Variants in ARMC2 observed in about 807,000 individuals in gnomAD.
ARMC2 encodes the protein armadillo repeat containing 2, also known as armadillo repeat-containing protein 2.
Under a neutral mutation model 90.3 loss-of-function variants are expected in ARMC2, and 67 were observed. The ratio of observed to expected loss-of-function variants is 0.74; its 90% CI spans 0.61 to 0.91. ARMC2 has a LOEUF of 0.91. Among genes scored for constraint, ARMC2 ranks in the 40% least tolerant of loss-of-function variants. The probability of loss-of-function intolerance (pLI) is 0.00; values close to 1 mark genes in which losing one functional copy is unlikely to be tolerated. For missense variants in ARMC2, 920 were observed against 1,030.9 expected, an observed-to-expected ratio of 0.89 and a Z score of 1.47; for synonymous variants, 393 against 393.0, an observed-to-expected ratio of 1.00 and a Z score of 0.00.
chr6:108,988,087 C>G, the ARMC2 span, among the ~76,000 whole-genome samples: 1 of 152,144 alleles, frequency 6.6e-6, no homozygotes, highest in Admixed American at 6.5e-5. Context: ...AGCCACCATA[C>G]CTGGCCTAAT....
intron 1 of ARMC2, among the ~76,000 whole-genome samples, chr6:108,853,210 T>C (rs2128413526): frequency 6.6e-6 from 1 of 152,312 alleles, no homozygotes; most frequent in South Asian, 2.1e-4. Flanking sequence ...TCAGAAACTC[T>C]TGGGGTGGGG....
chr6:109,006,720 T>C, the ARMC2 span, among the ~76,000 whole-genome samples: 19 of 152,184 alleles, frequency 1.2e-4, no homozygotes, highest in African/African-American at 4.6e-4. Context: ...TTCCATTTTC[T>C]GGAAAACTCA....
the ARMC2 span, among the ~76,000 whole-genome samples, chr6:108,995,902 C>T: frequency 6.6e-6 from 1 of 152,210 alleles, no homozygotes; most frequent in Non-Finnish European, 1.5e-5. Flanking sequence ...TTCCATTCTT[C>T]CTGGCTTCCA....
chr6:108,871,373 T>A (rs1333243594), intron 4 of ARMC2, among the ~76,000 whole-genome samples: 1 of 152,010 alleles, frequency 6.6e-6, no homozygotes, highest in African/African-American at 2.4e-5. Context: ...CTGAGGAGCT[T>A]TTCAAACGCT....
chr6:108,879,765 A>G (rs921945497), intron 5 of ARMC2, among the ~76,000 whole-genome samples: 2 of 152,180 alleles, frequency 1.3e-5, no homozygotes, highest in Non-Finnish European at 2.9e-5. Context: ...ATGGAGAATC[A>G]GGGACTGTTC....
chr6:108,860,836 A>G (rs1775161658), intron 3 of ARMC2, among the ~76,000 whole-genome samples: 1 of 152,232 alleles, frequency 6.6e-6, no homozygotes, highest in African/African-American at 2.4e-5. Flanking sequence ...CTCTGTAAAG[A>G]AGTATCTTCC....
At chr6:109,012,294 G>A in the ARMC2 span, among the ~76,000 whole-genome samples, 1 of 151,332 alleles carries the variant, frequency 6.6e-6, no homozygotes, top group African/African-American at 2.4e-5. Flanking sequence ...CCAGGCTGGA[G>A]TGCAGTGGTA....
chr6:108,934,376 T>C (rs1331020950), intron 11 of ARMC2, among the ~76,000 whole-genome samples: 1 of 152,252 alleles, frequency 6.6e-6, no homozygotes, highest in East Asian at 1.9e-4. Flanking sequence ...AGTTAAGCCA[T>C]TATATATTGC....
chr6:108,961,724 G>T (rs375568142), intron 14 of ARMC2, 30 bp downstream of exon 14: 2 of 1,559,568 alleles, frequency 1.3e-6, no homozygotes, highest in African/African-American at 1.4e-5. Flanking sequence ...TTGGATAAAT[G>T]AGTGCTCATT....
the ARMC2 span, among the ~76,000 whole-genome samples, chr6:109,014,257 G>C: frequency 9.9e-5 from 15 of 151,942 alleles, no homozygotes; most frequent in African/African-American, 3.6e-4. Context: ...GTTAAATAAC[G>C]GTCAGGTTTT....
Position 108,928,202 on chromosome 6 carries a change from G to A in ARMC2, c.1465G>A (p.Asp489Asn), listed in dbSNP as rs774462545. The change falls in exon 11 of 18, where the codon GAC becomes AAC. Residue 489 changes from aspartate to asparagine, a missense_variant. Transcript: ENST00000392644. ...TAMEQYKGDK[D>N]VCTNIARIFS... The stretch of plus-strand genomic sequence containing the variant: ...AATGGAACAGTACAAGGGTGACAAG[G>A]ACGTCTGTACCAATATTGCCAGAAT... 4 of 1,586,694 alleles carry A rather than the reference G, an allele frequency of 2.5e-6. No homozygotes were observed. The highest frequency in any genetic ancestry group is 3.4e-6 in the Non-Finnish European group (4 of 1,167,308).
At chr6:108,899,469 C>T (rs1215414126) in intron 6 of ARMC2, among the ~76,000 whole-genome samples, 1 of 152,178 alleles carries the variant, frequency 6.6e-6, no homozygotes, top group African/African-American at 2.4e-5. Context: ...GACCAGATCA[C>T]ATTTTAAAGT....
the ARMC2 span, among the ~76,000 whole-genome samples, chr6:108,983,632 T>G: frequency 6.6e-6 from 1 of 152,244 alleles, no homozygotes; most frequent in African/African-American, 2.4e-5. Context: ...TCCACATTAT[T>G]TTGATTACTG....
At chr6:108,979,389 G>T (rs921126608), downstream of ARMC2, among the ~76,000 whole-genome samples, 17 of 152,128 alleles carry the variant, frequency 1.1e-4, no homozygotes, top group African/African-American at 4.1e-4. Context: ...TTCCCTTTGT[G>T]GGTAATCCGA....
chr6:108,915,484 G>A (rs886899634), intron 10 of ARMC2, among the ~76,000 whole-genome samples: 5 of 152,028 alleles, frequency 3.3e-5, no homozygotes, highest in African/African-American at 1.2e-4. Flanking sequence ...ACAGAACTTC[G>A]CTTGCTTTAA....
the ARMC2 span, among the ~76,000 whole-genome samples, chr6:109,044,311 CAAAAAAAAAAAAA>C: frequency 0.015 from 419 of 28,330 alleles, 1 homozygote; most frequent in African/African-American, 0.046. Flanking sequence ...GAACTTGCCT[CAAAAAAAAAAAAA>C]AAAAAAAAAA....
At chr6:108,851,459 C>G (rs1369688226) in intron 1 of ARMC2, among the ~76,000 whole-genome samples, 2 of 152,182 alleles carry the variant, frequency 1.3e-5, no homozygotes, top group Non-Finnish European at 2.9e-5. Flanking sequence ...AGGGTAAATA[C>G]TCACTGGGTA....
chr6:108,900,626 AG>A (rs1221412160), intron 7 of ARMC2, among the ~76,000 whole-genome samples: 2 of 152,178 alleles, frequency 1.3e-5, no homozygotes, highest in African/African-American at 4.8e-5. Context: ...GTGCTGCAAA[AG>A]ACCTGATTAC....
the ARMC2 span, among the ~76,000 whole-genome samples, chr6:108,989,542 T>C: frequency 9.6e-6 from 1 of 104,120 alleles, no homozygotes; most frequent in Non-Finnish European, 2.0e-5. Flanking sequence ...GAGATAGAGA[T>C]ATCTCTAGAT....
Sources: allele counts gnomAD v4.1 joint callset (sites outside exome capture counted in the v4.1 genomes callset), GRCh38; gene constraint gnomAD v4.1.1; transcripts MANE v1.5; gene names NCBI Gene and HGNC (gene_info 2026-07-23, HGNC 2026-07-21).